Variants in PLEKHA5 observed in about 807,000 individuals in gnomAD.
PLEKHA5 encodes the protein pleckstrin homology domain-containing family A member 5.
A neutral mutation model predicts 181.9 loss-of-function variants in PLEKHA5; 55 were observed. The observed-to-expected ratio is 0.30, with a 90% confidence interval of 0.24 to 0.38. The LOEUF (loss-of-function observed/expected upper bound fraction) is 0.38. Among genes scored for constraint, PLEKHA5 ranks in the 10% least tolerant of loss-of-function variants. The probability of loss-of-function intolerance (pLI) is 1.00; values close to 1 mark genes in which losing one functional copy is unlikely to be tolerated. For missense variants in PLEKHA5, 1,432 were observed against 1,549.5 expected, an observed-to-expected ratio of 0.92 and a Z score of 1.27; for synonymous variants, 535 against 529.4, an observed-to-expected ratio of 1.01 and a Z score of -0.15.
chr12:19,264,801 C>A (rs1239660307), intron 7 of PLEKHA5, among the ~76,000 whole-genome samples: 1 of 148,214 alleles, frequency 6.7e-6, no homozygotes, highest in African/African-American at 2.5e-5. Flanking sequence ...AAAAGTCACA[C>A]ACAGCAAACA....
intron 20 of PLEKHA5, among the ~76,000 whole-genome samples, chr12:19,331,721 A>AT (rs1422141985): frequency 6.6e-6 from 1 of 152,026 alleles, no homozygotes; most frequent in African/African-American, 2.4e-5. Flanking sequence ...AACTTAGACA[A>AT]TTTTTTTAAA....
intron 3 of PLEKHA5, among the ~76,000 whole-genome samples, chr12:19,187,726 T>C (rs1003949083): frequency 1.3e-5 from 2 of 152,154 alleles, no homozygotes; most frequent in Non-Finnish European, 2.9e-5. Flanking sequence ...ATGGAACACT[T>C]AGAGAAGTAG....
chr12:19,268,680 G>A (rs2071414588), intron 8 of PLEKHA5, among the ~76,000 whole-genome samples: 1 of 152,140 alleles, frequency 6.6e-6, no homozygotes, highest in Non-Finnish European at 1.5e-5. Flanking sequence ...TTTGACTGAT[G>A]GCGAGCATGG....
At chr12:19,183,038 C>A (rs1284105024) in intron 3 of PLEKHA5, among the ~76,000 whole-genome samples, 1 of 152,024 alleles carries the variant, frequency 6.6e-6, no homozygotes, top group Non-Finnish European at 1.5e-5. Flanking sequence ...AGAGCTGTTG[C>A]TAATTAAAGT....
At chr12:19,354,107 CAAAG>C in intron 26 of PLEKHA5, 105 bp downstream of exon 26, 3 of 256,250 alleles carry the variant, frequency 1.2e-5, no homozygotes, top group Non-Finnish European at 1.6e-5. Context: ...TTTGCATACT[CAAAG>C]AAAAACTTAG....
intron 13 of PLEKHA5, chr12:19,288,077 CAAAAAAAAA>C (rs9300127): frequency 4.3e-5 from 8 of 185,954 alleles, no homozygotes; most frequent in African/African-American, 1.1e-4. Flanking sequence ...GACTCTGTCT[CAAAAAAAAA>C]AAAAAAAAAA....
rs531103905 is a variant in PLEKHA5 at position 19,372,599 on chromosome 12, T to C, written c.*11+2801T>C. The C allele has an allele frequency of 2.6e-5, 4 of 152,156 alleles. No homozygotes were observed. In the South Asian group the frequency reaches 8.3e-4, roughly 32 times the overall value. The allele number at this position is 152,156 out of a possible 1,614,324, so 9.4% of individuals were successfully genotyped here. On this transcript the variant is annotated intron_variant, in intron 31 of 31. Transcript: ENST00000429027. ...TTTGTTGTCTTTTCATATTTGTAAC[T>C]TTTATTTGAGATTATGTCTACCTGG... is the stretch of plus-strand genomic sequence containing the variant.
intron 13 of PLEKHA5, 68 bp from the exon 14 acceptor site, chr12:19,290,609 T>G (rs2152841862): frequency 1.4e-6 from 2 of 1,428,836 alleles, no homozygotes; most frequent in South Asian, 2.7e-5. Context: ...CTTGGTTTAA[T>G]ATCTGTCACT....
chr12:19,235,986 G>C (rs1427548782), intron 3 of PLEKHA5, among the ~76,000 whole-genome samples: 2 of 152,080 alleles, frequency 1.3e-5, no homozygotes, highest in Non-Finnish European at 2.9e-5. Flanking sequence ...CCACTTCTGA[G>C]AATTATCCTA....
intron 3 of PLEKHA5, among the ~76,000 whole-genome samples, chr12:19,168,942 CTT>C (rs765182556): frequency 6.6e-6 from 1 of 152,148 alleles, no homozygotes; most frequent in Non-Finnish European, 1.5e-5. Flanking sequence ...GTTTCTGTCT[CTT>C]TTTCTGTAAA....
intron 15 of PLEKHA5, among the ~76,000 whole-genome samples, chr12:19,292,395 A>G (rs1193382263): frequency 6.6e-6 from 1 of 151,994 alleles, no homozygotes; most frequent in Non-Finnish European, 1.5e-5. Context: ...GCTACAGCGC[A>G]AGACTCTGTC....
intron 29 of PLEKHA5, among the ~76,000 whole-genome samples, chr12:19,362,483 A>G (rs978911462): frequency 1.3e-5 from 2 of 152,014 alleles, no homozygotes; most frequent in African/African-American, 4.8e-5. Context: ...GCAGTGAGCC[A>G]AGATCACACC....
At chr12:19,219,040 C>T (rs1379716043) in intron 3 of PLEKHA5, among the ~76,000 whole-genome samples, 2 of 151,132 alleles carry the variant, frequency 1.3e-5, no homozygotes, top group African/African-American at 4.9e-5. Context: ...CTACAGTTGA[C>T]CCTTGAACAA....
intron 3 of PLEKHA5, among the ~76,000 whole-genome samples, chr12:19,227,780 G>A (rs758565244): frequency 6.6e-6 from 1 of 152,150 alleles, no homozygotes; most frequent in Non-Finnish European, 1.5e-5. Flanking sequence ...AGCAATGACC[G>A]ATCTCTGCCA....
chr12:19,343,432 T>A lies in PLEKHA5; in HGVS notation c.2660T>A (p.Ile887Lys). The change falls in exon 22 of 32, where the codon ATA becomes AAA. Residue 887 changes from isoleucine (I) to lysine (K), a missense_variant and splice_region_variant. Ile to Lys is a moderately radical substitution (Grantham distance 102). Around this residue, in one of 2 missense-constraint regions of PLEKHA5, gnomAD observed 1,143 missense variants for 1,168.4 expected, o/e 0.98. Coordinates refer to ENST00000429027, the MANE Select transcript of PLEKHA5 (RefSeq NM_001256470.2). ...KHKQQRGTTE[I>K]GMIGSKPFST... Reference sequence around the variant, plus strand: ...AAGCAGCAAAGAGGTACTACAGAAATAGGTAAATTAGCTTTGCATTTTATT... The same window carrying A: ...AAGCAGCAAAGAGGTACTACAGAAAAAGGTAAATTAGCTTTGCATTTTATT... 1 of 1,548,230 alleles carries A rather than the reference T, an allele frequency of 6.5e-7. No individual in the cohort carries two copies. The highest frequency in any genetic ancestry group is 8.9e-7 in the Non-Finnish European group (1 of 1,120,424).
At chr12:19,304,933 T>C (rs2082747295) in intron 15 of PLEKHA5, among the ~76,000 whole-genome samples, 1 of 152,022 alleles carries the variant, frequency 6.6e-6, no homozygotes, top group Non-Finnish European at 1.5e-5. Flanking sequence ...CTTCTCTCTT[T>C]CTTTTTTTAA....
intron 3 of PLEKHA5, among the ~76,000 whole-genome samples, chr12:19,167,405 ATTTTTTTTTTTTT>A (rs56086557): frequency 6.6e-5 from 6 of 91,230 alleles, no homozygotes; most frequent in South Asian, 1.0e-3. Flanking sequence ...CTGAGGCTTA[ATTTTTTTTTTTTT>A]TTTTTTTTTT....
chr12:19,255,075 G>A lies in PLEKHA5; in HGVS notation c.342G>A (p.Lys114=). ...QTVATMTSEE[K]KERPISMINE... ...TTGCAACCATGACATCTGAAGAAAA[G>A]AAGGAACGGCCAATAAGTATGATAA... The change falls in exon 5 of 32, where the codon AAG becomes AAA. Residue 114 remains lysine, a synonymous_variant. Coordinates refer to ENST00000429027, the MANE Select transcript of PLEKHA5 (RefSeq NM_001256470.2). 6.2e-7 allele frequency: 1 copy of A among 1,609,836 alleles called. No homozygotes were observed. Among genetic ancestry groups the A allele is most frequent in the East Asian group, 2.2e-5 (1 of 44,802 alleles).
chr12:19,202,393 T>G (rs1264007794), intron 3 of PLEKHA5, among the ~76,000 whole-genome samples: 1 of 152,078 alleles, frequency 6.6e-6, no homozygotes, highest in Non-Finnish European at 1.5e-5. Flanking sequence ...ACAAGACTCA[T>G]AAGTTGAAAG....
Sources: gnomAD v4.1 joint callset for allele counts (sites outside exome capture counted in the v4.1 genomes callset) on GRCh38, gnomAD v4.1.1 for gene constraint, gnomAD v4.1.1 regional missense constraint, MANE v1.5 for transcripts, NCBI Gene and HGNC (gene_info 2026-07-23, HGNC 2026-07-21) for gene names.